The following PTBP2 variants were observed in gnomAD, a reference collection of about 807,000 sequenced individuals.
PTBP2 encodes the protein polypyrimidine tract-binding protein 2.
PTBP2 carries 13 observed loss-of-function variants against 61.4 expected under a neutral mutation model. The ratio of observed to expected loss-of-function variants is 0.21; its 90% confidence interval spans 0.14 to 0.34. PTBP2 has a LOEUF of 0.34. Among genes scored for constraint, PTBP2 ranks in the 10% least tolerant of loss-of-function variants. The probability of loss-of-function intolerance (pLI) is 1.00; values close to 1 mark genes in which losing one functional copy is unlikely to be tolerated. For missense variants in PTBP2, 405 were observed against 642.6 expected (o/e 0.63, Z 4.00); for synonymous variants, 215 against 218.5 (o/e 0.98, Z 0.14).
intron 3 of PTBP2, among the ~76,000 whole-genome samples, chr1:96,759,557 T>C (rs1483316728): frequency 1.3e-5 from 2 of 152,118 alleles, no homozygotes; most frequent in African/African-American, 4.8e-5. Flanking sequence ...ACAATGAGAT[T>C]AATTATATAA....
intron 3 of PTBP2, among the ~76,000 whole-genome samples, chr1:96,762,723 C>T (rs540961266): frequency 1.5e-4 from 23 of 151,294 alleles, no homozygotes; most frequent in South Asian, 1.0e-3. Context: ...CGGGGGCTGA[C>T]CCCCACCTCC....
intron 11 of PTBP2, 57 bp downstream of exon 11, chr1:96,807,015 T>C: frequency 7.6e-7 from 1 of 1,309,308 alleles, no homozygotes. Flanking sequence ...AAATGCATAA[T>C]GTGAATGTGC....
intron 2 of PTBP2, among the ~76,000 whole-genome samples, chr1:96,725,759 T>G (rs755378691): frequency 1.3e-5 from 2 of 152,058 alleles, no homozygotes; most frequent in Non-Finnish European, 2.9e-5. Flanking sequence ...TGAATTTGCT[T>G]TAAAGACACT....
chr1:96,722,071 G>C (rs2100759162), intron 1 of PTBP2, among the ~76,000 whole-genome samples, 199 bp downstream of exon 1: 1 of 152,280 alleles, frequency 6.6e-6, no homozygotes, highest in South Asian at 2.1e-4. Context: ...AAGAAAGCGG[G>C]CTTGGAGGCT....
intron 8 of PTBP2, among the ~76,000 whole-genome samples, chr1:96,788,668 T>C (rs926420397): frequency 2.0e-5 from 3 of 152,074 alleles, no homozygotes; most frequent in African/African-American, 7.2e-5. Context: ...TATAAGGTGA[T>C]ACTCTTTTGC....
At chr1:96,736,317 A>G (rs542669352) in intron 2 of PTBP2, among the ~76,000 whole-genome samples, 14 of 152,346 alleles carry the variant, frequency 9.2e-5, no homozygotes, top group African/African-American at 3.4e-4. Flanking sequence ...AGTAAATCTA[A>G]TTACTGACCA....
intron 2 of PTBP2, among the ~76,000 whole-genome samples, chr1:96,741,878 G>A (rs1245290967): frequency 1.3e-5 from 2 of 152,104 alleles, no homozygotes; most frequent in African/African-American, 2.4e-5. Context: ...CCAATGATCT[G>A]CTTTCTCAGC....
At chr1:96,779,490 A>T (rs10489798) in intron 7 of PTBP2, among the ~76,000 whole-genome samples, 1 of 152,048 alleles carries the variant, frequency 6.6e-6, no homozygotes, top group Non-Finnish European at 1.5e-5. Context: ...CTGAAGTAAT[A>T]CATAGTTACA....
At chr1:96,736,668 G>C (rs1422012450) in intron 2 of PTBP2, among the ~76,000 whole-genome samples, 1 of 152,044 alleles carries the variant, frequency 6.6e-6, no homozygotes, top group Non-Finnish European at 1.5e-5. Context: ...CATTATGTGT[G>C]TTGCCTTTTC....
chr1:96,745,218 A>C (rs1349540778), intron 2 of PTBP2, among the ~76,000 whole-genome samples: 1 of 151,510 alleles, frequency 6.6e-6, no homozygotes, highest in Admixed American at 6.6e-5. Context: ...GCTGGAGTGC[A>C]GTGGTGTCAT....
chr1:96,822,451 G>A lies in PTBP2; in HGVS notation c.*9046G>A, dbSNP rs375885571. On this transcript the variant is annotated 3_prime_UTR_variant, in exon 14 of 14. Transcript: ENST00000609116. ...GTTTGGATAGAATAGTCAGATTATA[G>A]GCTGTGCTAAGTTGTTTGGGCTCCA... 5 of 152,266 alleles carry A rather than the reference G, an allele frequency of 3.3e-5. No individual in the cohort carries two copies. The East Asian group carries it at 9.7e-4, about 29-fold the overall frequency. The allele number at this position is 152,266 out of a possible 1,614,324, so 9.4% of individuals were successfully genotyped here.
At chr1:96,801,149 T>C (rs1284812927) in intron 8 of PTBP2, among the ~76,000 whole-genome samples, 1 of 152,148 alleles carries the variant, frequency 6.6e-6, no homozygotes, top group Non-Finnish European at 1.5e-5. Flanking sequence ...TGATAATTTT[T>C]TATATATTTT....
chr1:96,775,940 AAAAT>A (rs1657987816), intron 5 of PTBP2, among the ~76,000 whole-genome samples: 1 of 152,078 alleles, frequency 6.6e-6, no homozygotes, highest in African/African-American at 2.4e-5. Context: ...AGTATTGAAA[AAAAT>A]ACAGACTAAG....
chr1:96,790,080 G>A (rs1659620500), intron 8 of PTBP2, among the ~76,000 whole-genome samples: 1 of 152,060 alleles, frequency 6.6e-6, no homozygotes. Flanking sequence ...GTCTGTAATA[G>A]TCCTCTCCCT....
At chr1:96,769,909 C>T (rs199797146) in intron 4 of PTBP2, 34 bp downstream of exon 4, 2 of 1,490,826 alleles carry the variant, frequency 1.3e-6, no homozygotes, top group East Asian at 4.8e-5. Context: ...AAATGTTAAA[C>T]CCCAAACTAT....
At chr1:96,787,974 A>T (rs932230163) in intron 8 of PTBP2, among the ~76,000 whole-genome samples, 2 of 152,108 alleles carry the variant, frequency 1.3e-5, no homozygotes, top group African/African-American at 4.8e-5. Flanking sequence ...TTTATTTGCA[A>T]ATTTCTTCAT....
At chr1:96,778,391 T>G (rs1658281100) in intron 7 of PTBP2, among the ~76,000 whole-genome samples, 1 of 151,704 alleles carries the variant, frequency 6.6e-6, no homozygotes, top group Admixed American at 6.6e-5. Context: ...AATGTCTTTT[T>G]TTTAAAGGTT....
intron 2 of PTBP2, among the ~76,000 whole-genome samples, chr1:96,736,435 T>C (rs1260196922): frequency 6.6e-6 from 1 of 152,180 alleles, no homozygotes; most frequent in African/African-American, 2.4e-5. Context: ...GTTTGAGTTC[T>C]GATGATCTAG....
intron 2 of PTBP2, among the ~76,000 whole-genome samples, chr1:96,725,287 T>A (rs1169697302): frequency 6.6e-6 from 1 of 151,372 alleles, no homozygotes; most frequent in African/African-American, 2.4e-5. Context: ...AGGTGTAATG[T>A]ATTGGTTACA....
Sources: allele counts gnomAD v4.1 joint callset (sites outside exome capture counted in the v4.1 genomes callset), GRCh38; gene constraint gnomAD v4.1.1; transcripts MANE v1.5; gene names NCBI Gene and HGNC (gene_info 2026-07-23, HGNC 2026-07-21).